Variants in TACC2 observed in about 807,000 individuals in gnomAD.
The protein encoded by TACC2 is transforming acidic coiled-coil containing protein 2.
In TACC2, 137 loss-of-function variants were observed where a neutral mutation model predicts 227.3. That is an observed-to-expected ratio of 0.60 (90% CI 0.52 to 0.69). The LOEUF is 0.69. Among genes scored for constraint, TACC2 ranks in the 30% least tolerant of loss-of-function variants. The probability of loss-of-function intolerance (pLI) is 0.00; values close to 1 mark genes in which losing one functional copy is unlikely to be tolerated. For synonymous variants in TACC2, 1,523 were observed against 1,487.5 expected (o/e 1.02, Z -0.55); for missense variants, 3,470 against 3,694.4 (o/e 0.94, Z 1.57).
At chr10:122,061,740 T>G (rs1000246273) in intron 3 of TACC2, among the ~76,000 whole-genome samples, 2 of 151,984 alleles carry the variant, frequency 1.3e-5, no homozygotes, top group Non-Finnish European at 1.5e-5. Flanking sequence ...TCCAGTCCAG[T>G]CTAGAGAAAC....
At chr10:122,024,056 C>G (rs958025945) in intron 2 of TACC2, among the ~76,000 whole-genome samples, 4 of 152,136 alleles carry the variant, frequency 2.6e-5, no homozygotes, top group Non-Finnish European at 4.4e-5. Context: ...TTAGTAGATT[C>G]ACATGCAGCT....
Position 122,085,166 on chromosome 10 carries a change from C to G in TACC2, c.2666C>G (p.Thr889Ser), listed in dbSNP as rs369401230. 1 of 1,614,058 alleles carries G rather than the reference C, an allele frequency of 6.2e-7. No individual in the cohort carries two copies. The highest frequency in any genetic ancestry group is 8.5e-7 in the Non-Finnish European group (1 of 1,180,056). The change falls in exon 4 of 23, where the codon ACT becomes AGT. Residue 889 changes from threonine to serine, a missense_variant. This residue lies in a region of TACC2 where 1,924 missense variants were observed against 1,978.3 expected (regional missense o/e 0.97). Coordinates refer to ENST00000369005, the MANE Select transcript of TACC2 (RefSeq NM_206862.4). ...CCTCAGGAAGATAACAACTTGCCCA[C>G]TCATGGAGGACAGGAGCAGGCTTTG... ...VEPQEDNNLPTHGGQEQALGS... is the reference protein window; with the variant it reads ...VEPQEDNNLPSHGGQEQALGS...
chr10:122,236,335 A>G (rs1409696917), intron 16 of TACC2, among the ~76,000 whole-genome samples: 1 of 152,136 alleles, frequency 6.6e-6, no homozygotes, highest in Non-Finnish European at 1.5e-5. Context: ...TAATTTCCCA[A>G]GGGAAGAAGC....
At chr10:122,237,772 C>T (rs7909018) in intron 17 of TACC2, among the ~76,000 whole-genome samples, 189 bp from the exon 18 acceptor site, 13,799 of 152,242 alleles carry the variant, frequency 0.091, 1,787 homozygotes, top group African/African-American at 0.29. Context: ...CCAGTGGGCA[C>T]TGTGAAAGTC....
At chr10:122,140,993 C>T (rs188973253) in intron 6 of TACC2, among the ~76,000 whole-genome samples, 59 of 152,156 alleles carry the variant, frequency 3.9e-4, no homozygotes, top group Admixed American at 2.1e-3. Flanking sequence ...GGGGACAAAA[C>T]GGAAAGCAGG....
chr10:122,047,618 C>A (rs2136141070), intron 2 of TACC2, among the ~76,000 whole-genome samples: 1 of 152,328 alleles, frequency 6.6e-6, no homozygotes, highest in Admixed American at 6.5e-5. Context: ...GCTCTGGGAT[C>A]AGAGATAATC....
chr10:122,128,721 C>G (rs1033445665), intron 5 of TACC2, among the ~76,000 whole-genome samples: 1 of 152,134 alleles, frequency 6.6e-6, no homozygotes, highest in Admixed American at 6.5e-5. Flanking sequence ...ATTTTACTTA[C>G]AAAAGTAGTA....
At chr10:122,185,252 C>T (rs1369900478) in intron 7 of TACC2, among the ~76,000 whole-genome samples, 4 of 149,960 alleles carry the variant, frequency 2.7e-5, no homozygotes, top group Admixed American at 2.0e-4. Flanking sequence ...AGTGCAATGG[C>T]GCGATCTTGG....
At chr10:122,139,719 A>G (rs2090258456) in intron 6 of TACC2, among the ~76,000 whole-genome samples, 2 of 152,176 alleles carry the variant, frequency 1.3e-5, no homozygotes, top group African/African-American at 4.8e-5. Context: ...GAAGAAAAAA[A>G]TCAAGAGGCC....
intron 3 of TACC2, among the ~76,000 whole-genome samples, chr10:122,077,712 G>A (rs775058344): frequency 1.6e-4 from 25 of 152,248 alleles, no homozygotes; most frequent in Non-Finnish European, 2.9e-4. Flanking sequence ...GCACTTGTTC[G>A]GTGAGAGGCT....
chr10:122,070,818 G>A (rs12254613), intron 3 of TACC2, among the ~76,000 whole-genome samples: 17,805 of 151,136 alleles, frequency 0.12, 1,298 homozygotes, highest in Non-Finnish European at 0.16. Context: ...CCAGCTACTC[G>A]GGAGGCTGAG....
chr10:122,220,347 AC>A (rs2095499874), intron 11 of TACC2, among the ~76,000 whole-genome samples: 1 of 152,206 alleles, frequency 6.6e-6, no homozygotes, highest in Non-Finnish European at 1.5e-5. Context: ...ACTTGGTTAA[AC>A]CCATTACCTT....
chr10:122,017,459 CT>C (rs1956802655), intron 1 of TACC2, among the ~76,000 whole-genome samples: 1 of 152,056 alleles, frequency 6.6e-6, no homozygotes, highest in Non-Finnish European at 1.5e-5. Context: ...CTGTTGAAGA[CT>C]TGCCGCCATT....
At chr10:122,222,227 A>T (rs1413074331) in intron 11 of TACC2, among the ~76,000 whole-genome samples, 1 of 152,270 alleles carries the variant, frequency 6.6e-6, no homozygotes, top group Non-Finnish European at 1.5e-5. Context: ...TTTGAGGCTT[A>T]GGATTTGAAG....
intron 7 of TACC2, among the ~76,000 whole-genome samples, chr10:122,186,720 C>G (rs2140378649): frequency 6.6e-6 from 1 of 152,204 alleles, no homozygotes; most frequent in South Asian, 2.1e-4. Context: ...ACCATGTTGG[C>G]CAGGCTGGCC....
rs752342348 is a variant in TACC2, at chr10:122,012,418, C to CAAAAAAA, written c.-45-9504_-45-9498dup. On this transcript the variant is annotated intron_variant, in intron 1 of 22. Transcript: ENST00000369005. ...CTGGTGCCAGAGCAAGACTCCGTCTCAAAAAAAAAAAAAAAAAAAAAGATG... is the reference window on the plus strand; with the variant it reads ...CTGGTGCCAGAGCAAGACTCCGTCTCAAAAAAAAAAAAAAAAAAAAAAAAAAAAGATG... Among the ~76,000 whole-genome samples the CAAAAAAA allele has an allele frequency of 1.2e-3, 74 of 60,690 alleles. 4 individuals are homozygous for CAAAAAAA. The highest frequency in any genetic ancestry group is 3.2e-3 in the African/African-American group (44 of 13,894). The allele number at this position is 60,690 out of a possible 152,430, so 39.8% of individuals were successfully genotyped here.
At chr10:122,009,011 G>A (rs1174728832) in intron 1 of TACC2, among the ~76,000 whole-genome samples, 1 of 152,182 alleles carries the variant, frequency 6.6e-6, no homozygotes, top group Admixed American at 6.5e-5. Context: ...ACCAATGTAG[G>A]CCCTTTTCAC....
At chr10:122,019,610 T>C (rs35801797) in intron 1 of TACC2, 11,636 of 152,300 alleles carry the variant, frequency 0.076, 574 homozygotes, top group East Asian at 0.15. Flanking sequence ...GGAAAATCCC[T>C]GTGTGAAAGG....
intron 7 of TACC2, chr10:122,163,669 A>G (rs12357295): frequency 2.0e-5 from 21 of 1,040,764 alleles, no homozygotes; most frequent in Admixed American, 5.4e-5. Flanking sequence ...AGAGCCGCGC[A>G]CGCCGGCCAC....
Sources: allele counts gnomAD v4.1 joint callset (sites outside exome capture counted in the v4.1 genomes callset), GRCh38; gene constraint gnomAD v4.1.1; regional missense constraint gnomAD v4.1.1; transcripts MANE v1.5; gene names NCBI Gene and HGNC (gene_info 2026-07-23, HGNC 2026-07-21).